The following LINC00305 variants were observed in gnomAD, a reference collection of about 807,000 sequenced individuals.
The protein encoded by LINC00305 is long independently transcribed non-coding RNA 305.
At chr18:64,112,955 C>A (rs2051321605) in intron 1 of LINC00305, among the ~76,000 whole-genome samples, 1 of 152,184 alleles carries the variant, frequency 6.6e-6, no homozygotes, top group South Asian at 2.1e-4. Context: ...ATATCCTGAG[C>A]CTTCTACTGA....
chr18:64,117,312 A>T (rs559711739), intron 1 of LINC00305, among the ~76,000 whole-genome samples: 4 of 152,240 alleles, frequency 2.6e-5, no homozygotes, highest in Non-Finnish European at 5.9e-5. Flanking sequence ...GCTTCTTTGC[A>T]TAATAATCTA....
At chr18:64,084,335 G>A (rs1195571975) in intron 3 of LINC00305, among the ~76,000 whole-genome samples, 1 of 152,062 alleles carries the variant, frequency 6.6e-6, no homozygotes, top group African/African-American at 2.4e-5. Flanking sequence ...TACATAAAAT[G>A]TAGGCCTCAT....
At chr18:64,080,270 T>G (rs1239744495) in exon 4 of LINC00305, 1 of 456,402 alleles carries the variant, frequency 2.2e-6, no homozygotes, top group Admixed American at 2.4e-5. Context: ...TCATCTTCTC[T>G]GTTTTCAAAG....
At chr18:64,097,193 A>G (rs1454584545) in intron 3 of LINC00305, among the ~76,000 whole-genome samples, 1 of 152,112 alleles carries the variant, frequency 6.6e-6, no homozygotes, top group Non-Finnish European at 1.5e-5. Context: ...ATATGTGTTT[A>G]TCGTAGAATA....
At chr18:64,101,011 A>G (rs923073443) in intron 1 of LINC00305, among the ~76,000 whole-genome samples, 79 of 152,106 alleles carry the variant, frequency 5.2e-4, no homozygotes, top group African/African-American at 1.9e-3. Flanking sequence ...GGTTTGAAAG[A>G]CCCTTGGATC....
intron 1 of LINC00305, among the ~76,000 whole-genome samples, chr18:64,124,868 A>G (rs1037245962): frequency 2.0e-5 from 3 of 152,120 alleles, no homozygotes; most frequent in African/African-American, 7.2e-5. Flanking sequence ...CCTGCATCTC[A>G]TCAGTGGAAT....
intron 1 of LINC00305, among the ~76,000 whole-genome samples, chr18:64,143,000 A>T (rs2051471485): frequency 6.6e-6 from 1 of 152,156 alleles, no homozygotes; most frequent in African/African-American, 2.4e-5. Flanking sequence ...AAATAAAATC[A>T]TTGCATATTT....
At chr18:64,095,583 A>C (rs1335781035) in intron 3 of LINC00305, among the ~76,000 whole-genome samples, 2 of 152,228 alleles carry the variant, frequency 1.3e-5, no homozygotes, top group African/African-American at 4.8e-5. Context: ...AATTTAAGAA[A>C]ATTAAAAATG....
At chr18:64,124,220 G>T (rs1393529573) in intron 1 of LINC00305, among the ~76,000 whole-genome samples, 1 of 152,100 alleles carries the variant, frequency 6.6e-6, no homozygotes, top group Admixed American at 6.5e-5. Context: ...CAGTATTTAA[G>T]CTCTGCATGG....
chr18:64,120,186 T>C (rs2051355530), intron 1 of LINC00305, among the ~76,000 whole-genome samples: 1 of 152,154 alleles, frequency 6.6e-6, no homozygotes, highest in African/African-American at 2.4e-5. Context: ...CAGCCTGATG[T>C]GGAGCATAAT....
intron 3 of LINC00305, among the ~76,000 whole-genome samples, chr18:64,096,099 G>T (rs1464966649): frequency 6.6e-6 from 1 of 151,966 alleles, no homozygotes; most frequent in Non-Finnish European, 1.5e-5. Flanking sequence ...ATTAAGGATA[G>T]AGTTCATAGA....
chr18:64,135,043 G>C (rs1353416467), intron 1 of LINC00305, among the ~76,000 whole-genome samples: 3 of 152,202 alleles, frequency 2.0e-5, no homozygotes, highest in Non-Finnish European at 4.4e-5. Flanking sequence ...CCGAAATCAA[G>C]GCATCAGCAG....
intron 1 of LINC00305, among the ~76,000 whole-genome samples, chr18:64,144,411 C>T (rs147113689): frequency 0.016 from 2,403 of 152,262 alleles, 28 homozygotes; most frequent in Middle Eastern, 0.037. Context: ...GCACTTTCCC[C>T]TGGAACCTCC....
chr18:64,085,494 G>A (rs1014501001), intron 3 of LINC00305, among the ~76,000 whole-genome samples: 7 of 148,072 alleles, frequency 4.7e-5, no homozygotes, highest in African/African-American at 1.8e-4. Context: ...ACTGAGTCTC[G>A]CTCTGTTGCC....
intron 3 of LINC00305, among the ~76,000 whole-genome samples, chr18:64,090,287 C>A (rs1387469588): frequency 6.6e-6 from 1 of 152,168 alleles, no homozygotes; most frequent in Non-Finnish European, 1.5e-5. Flanking sequence ...GAATAAAATT[C>A]TAAGAATCAA....
At chr18:64,106,977 G>T (rs1417234788) in intron 1 of LINC00305, among the ~76,000 whole-genome samples, 2 of 151,958 alleles carry the variant, frequency 1.3e-5, no homozygotes, top group Non-Finnish European at 2.9e-5. Context: ...TTACAGATAT[G>T]ACATTTTGGC....
At chr18:64,080,225 CTT>C in exon 4 of LINC00305, 1 of 370,894 alleles carries the variant, frequency 2.7e-6, no homozygotes, top group South Asian at 2.0e-5. Flanking sequence ...TCCAAAGGTG[CTT>C]CACAGTATGA....
chr18:64,105,596 G>T (rs554846170), intron 1 of LINC00305, among the ~76,000 whole-genome samples: 18 of 152,294 alleles, frequency 1.2e-4, no homozygotes, highest in African/African-American at 4.3e-4. Flanking sequence ...GTGTGTACGT[G>T]TGTGTAGAGT....
chr18:64,116,973 G>A (rs1599219660), intron 1 of LINC00305, among the ~76,000 whole-genome samples: 2 of 152,036 alleles, frequency 1.3e-5, no homozygotes, highest in Admixed American at 6.6e-5. Flanking sequence ...TTCACACAAC[G>A]GCATTTTTAA....
Sources: gnomAD v4.1 joint callset for allele counts (sites outside exome capture counted in the v4.1 genomes callset) on GRCh38, gnomAD v4.1.1 for gene constraint, MANE v1.5 for transcripts, NCBI Gene and HGNC (gene_info 2026-07-23, HGNC 2026-07-21) for gene names.